The following CNOT1 variants were observed in gnomAD, a reference collection of about 807,000 sequenced individuals.
CNOT1 encodes CCR4-NOT transcription complex subunit 1.
A neutral mutation model predicts 273.8 loss-of-function variants in CNOT1; 15 were observed. The observed-to-expected ratio is 0.05, with a 90% CI of 0.04 to 0.08. The LOEUF is 0.08. Ranked by LOEUF, CNOT1 falls within the 10% of genes least tolerant of loss-of-function variation. The pLI is 1.00. For missense variants in CNOT1, 1,644 were observed against 2,912.2 expected (o/e 0.56, Z 10.02); for synonymous variants, 1,022 against 1,005.5 (o/e 1.02, Z -0.31).
At chr16:58,627,512 GT>G (rs1463192496) in intron 1 of CNOT1, among the ~76,000 whole-genome samples, 2 of 149,848 alleles carry the variant, frequency 1.3e-5, no homozygotes, top group Admixed American at 1.3e-4. Context: ...TTTAAAGCAT[GT>G]TTTGAAAAGA....
chr16:58,568,794 G>A (rs184108416), intron 16 of CNOT1, among the ~76,000 whole-genome samples: 13 of 152,222 alleles, frequency 8.5e-5, no homozygotes, highest in Non-Finnish European at 1.8e-4. Flanking sequence ...AGAAAATCTC[G>A]TCAATCTTAG....
At chr16:58,595,837 T>C (rs1009462338) in intron 2 of CNOT1, among the ~76,000 whole-genome samples, 3 of 152,138 alleles carry the variant, frequency 2.0e-5, no homozygotes, top group Admixed American at 6.6e-5. Context: ...AGACAACCCA[T>C]GGGCCAGAAT....
intron 1 of CNOT1, among the ~76,000 whole-genome samples, chr16:58,608,163 T>G (rs530469254): frequency 5.9e-5 from 9 of 151,840 alleles, no homozygotes; most frequent in Non-Finnish European, 1.3e-4. Context: ...GTGACAGAGC[T>G]AGACTCTTGT....
intron 43 of CNOT1, 45 bp downstream of exon 43, chr16:58,530,201 T>G: frequency 6.8e-7 from 1 of 1,471,214 alleles, no homozygotes; most frequent in South Asian, 1.2e-5. Context: ...TGTATTTTCT[T>G]AAGATCTCAG....
chr16:58,534,416 A>G (rs770165240), intron 39 of CNOT1, 21 bp from the exon 40 acceptor site: 1 of 1,610,104 alleles, frequency 6.2e-7, no homozygotes, highest in Non-Finnish European at 8.5e-7. Context: ...AACAAAAAAT[A>G]AAGACACAAT....
At chr16:58,545,132 G>C (rs575091829) in intron 30 of CNOT1, among the ~76,000 whole-genome samples, 1 of 152,294 alleles carries the variant, frequency 6.6e-6, no homozygotes, top group East Asian at 1.9e-4. Context: ...TAGTATCATG[G>C]GTTTGGATAT....
intron 12 of CNOT1, among the ~76,000 whole-genome samples, chr16:58,579,851 G>A (rs1035336769): frequency 2.6e-5 from 4 of 152,068 alleles, no homozygotes; most frequent in South Asian, 2.1e-4. Flanking sequence ...ACACCAGGCC[G>A]GACTAAGATT....
intron 31 of CNOT1, among the ~76,000 whole-genome samples, chr16:58,542,809 G>A (rs1375311639): frequency 6.6e-6 from 1 of 152,192 alleles, no homozygotes; most frequent in Non-Finnish European, 1.5e-5. Context: ...CAGTAAAGCA[G>A]GCCAGACGCG....
chr16:58,578,684 A>T lies in CNOT1; in HGVS notation c.1584+15T>A. ...ATTCAGATGAAAAAATGGTAAGCAC[A>T]CGGTCACATCTTACCTGCCCATGCC... is the stretch of plus-strand genomic sequence containing the variant. On this transcript the variant is annotated intron_variant, in intron 13 of 48. Transcript: ENST00000317147. The T allele has an allele frequency of 6.2e-7, 1 of 1,611,020 alleles. No individual in the cohort carries two copies. The highest frequency in any genetic ancestry group is 8.5e-7 in the Non-Finnish European group (1 of 1,177,496).
chr16:58,543,259 T>C (rs1206672048), intron 31 of CNOT1: 5 of 1,543,550 alleles, frequency 3.2e-6, no homozygotes, highest in African/African-American at 1.4e-5. Context: ...TTAAGTCATT[T>C]TGTATCGGCC....
intron 1 of CNOT1, among the ~76,000 whole-genome samples, chr16:58,618,239 C>A (rs997812669): frequency 6.6e-6 from 1 of 151,848 alleles, no homozygotes; most frequent in Non-Finnish European, 1.5e-5. Flanking sequence ...GAGTTCAAGG[C>A]TGCATTGAGC....
intron 19 of CNOT1, 50 bp from the exon 20 acceptor site, chr16:58,555,958 T>C (rs372780352): frequency 1.3e-6 from 2 of 1,598,532 alleles, no homozygotes; most frequent in Non-Finnish European, 1.7e-6. Flanking sequence ...CTTCCTCCAC[T>C]TCCCCATAAA....
At chr16:58,538,091 GAA>G in intron 37 of CNOT1, 31 bp from the exon 38 acceptor site, 1 of 1,614,118 alleles carries the variant, frequency 6.2e-7, no homozygotes. Flanking sequence ...ATGTGAGAGG[GAA>G]AACACTTAAG....
chr16:58,583,880 G>A (rs1187850459), intron 8 of CNOT1, among the ~76,000 whole-genome samples: 1 of 151,624 alleles, frequency 6.6e-6, no homozygotes, highest in Non-Finnish European at 1.5e-5. Flanking sequence ...TAAAAAATCA[G>A]TGTAAGAGCC....
In CNOT1 at chr16:58,579,021, G is replaced by C. The variant is rs555451099; in HGVS notation, c.1344-82C>G. 91 of 1,529,858 alleles carry C rather than the reference G, an allele frequency of 5.9e-5. 1 individual carries two copies. The highest frequency in any genetic ancestry group is 3.7e-4 in the Middle Eastern group (2 of 5,368). 94.8% of individuals were successfully genotyped at this position (1,529,858 alleles called of 1,614,324 possible). A position where few individuals can be genotyped will look rare whatever the true frequency, so the allele number is the denominator to read the frequency against. On this transcript the variant is annotated intron_variant, in intron 12 of 48. Transcript: ENST00000317147. The stretch of plus-strand genomic sequence containing the variant: ...TTTTCAAAATAAGTGATACCAGCTT[G>C]TAAGCACAAAACCAAGTTGGTGTCA...
At chr16:58,538,325 T>C in intron 36 of CNOT1, 59 bp from the exon 37 acceptor site, 1 of 805,234 alleles carries the variant, frequency 1.2e-6, no homozygotes, top group Non-Finnish European at 2.2e-6. Context: ...AAAGGGCCCA[T>C]TTTACTCAAT....
chr16:58,606,218 C>T (rs1379861901), intron 1 of CNOT1, among the ~76,000 whole-genome samples: 1 of 151,992 alleles, frequency 6.6e-6, no homozygotes, highest in Non-Finnish European at 1.5e-5. Context: ...GACTGAGCAA[C>T]ATAGTGAGAC....
chr16:58,588,450 A>G (rs2041947919), intron 3 of CNOT1, among the ~76,000 whole-genome samples: 1 of 152,194 alleles, frequency 6.6e-6, no homozygotes, highest in African/African-American at 2.4e-5. Context: ...TGTAAGAAAC[A>G]GTATTATGAC....
chr16:58,539,490 CACAG>C (rs1330324430), intron 35 of CNOT1, among the ~76,000 whole-genome samples: 2 of 151,618 alleles, frequency 1.3e-5, no homozygotes, highest in South Asian at 2.1e-4. Flanking sequence ...CACACACACA[CACAG>C]ACACACACAC....
Sources: gnomAD v4.1 joint callset for allele counts (sites outside exome capture counted in the v4.1 genomes callset) on GRCh38, gnomAD v4.1.1 for gene constraint, MANE v1.5 for transcripts, NCBI Gene and HGNC (gene_info 2026-07-23, HGNC 2026-07-21) for gene names.